The following DPY30 variants were observed in gnomAD, a reference collection of about 807,000 sequenced individuals.
The protein encoded by DPY30 is protein dpy-30 homolog.
A neutral mutation model predicts 16.2 loss-of-function variants in DPY30; 6 were observed. That is an observed-to-expected ratio of 0.37 (90% confidence interval 0.20 to 0.73). DPY30 has a LOEUF of 0.73. Among genes scored for constraint, DPY30 ranks in the 30% least tolerant of loss-of-function variants. DPY30 has a pLI of 0.51. For missense variants in DPY30, 73 were observed against 113.1 expected (o/e 0.65, Z 1.61); for synonymous variants, 39 against 38.8 (o/e 1.00, Z -0.02).
intron 3 of DPY30, among the ~76,000 whole-genome samples, chr2:32,030,742 T>C (rs930971246): frequency 4.0e-5 from 6 of 151,822 alleles, no homozygotes; most frequent in African/African-American, 1.5e-4. Flanking sequence ...GAGGTTGCAG[T>C]GAGACGAGAT....
chr2:32,019,035 CAAAA>C (rs1422515458), downstream of DPY30, among the ~76,000 whole-genome samples: 1 of 151,582 alleles, frequency 6.6e-6, no homozygotes, highest in Non-Finnish European at 1.5e-5. Flanking sequence ...CAAAAACAAA[CAAAA>C]AAACTTTCTA....
At position 32,039,502 on chromosome 2, in the gene DPY30, CAAG is replaced by C. The variant is rs780157538; in HGVS notation, c.-36-13_-36-11del. The C allele has an allele frequency of 2.5e-6, 4 of 1,613,706 alleles. No homozygotes were observed. The highest frequency in any genetic ancestry group is 4.5e-5 in the East Asian group (2 of 44,876). ...GTCCCCGGATACCAGTCTTGGAAAA[CAAG>C]AAGAGCCGCGAGTTACCTGGGAGAT... On this transcript the variant is annotated splice_polypyrimidine_tract_variant and intron_variant, in intron 1 of 4. Transcript: ENST00000342166.
rs1209521761 is a variant in DPY30, at chr2:32,039,763, C to G, written c.-67G>C. ...CCCAAGCCGTTCGTTCTTAAGAGCC[C>G]TGCACCGCGCCACCAGCTCCCAGCA... On this transcript the variant is annotated 5_prime_UTR_variant, in exon 1 of 5. Transcript: ENST00000342166. 2.1e-6 allele frequency: 1 copy of G among 470,628 alleles called. No individual in the cohort carries two copies. Among genetic ancestry groups the G allele is most frequent in the Non-Finnish European group, 3.8e-6 (1 of 260,178 alleles). The allele number at this position is 470,628 out of a possible 1,614,324, so 29.2% of individuals were successfully genotyped here.
chr2:32,018,092 C>T (rs1675097999), intron 5 of DPY30, among the ~76,000 whole-genome samples: 1 of 152,048 alleles, frequency 6.6e-6, no homozygotes, highest in South Asian at 2.1e-4. Context: ...TTACAGGCCA[C>T]CCAATCTATA....
downstream of DPY30, among the ~76,000 whole-genome samples, chr2:32,020,549 C>G (rs1675157168): frequency 6.6e-6 from 1 of 151,852 alleles, no homozygotes; most frequent in Non-Finnish European, 1.5e-5. Flanking sequence ...TTAAACCTAC[C>G]CCAAATTTTG....
Position 32,024,068 on chromosome 2 carries a change from G to C in DPY30, c.*116C>G. On this transcript the variant is annotated 3_prime_UTR_variant, in exon 5 of 5. Coordinates refer to ENST00000342166, the MANE Select transcript of DPY30 (RefSeq NM_001321209.2). ...TTCTGCAATTCCAGAAATAGGTTCT[G>C]TTGTCCGGAAGGTTCTTATACATCC... The C allele has an allele frequency of 6.6e-7, 1 of 1,508,442 alleles. No individual in the cohort carries two copies. The highest frequency in any genetic ancestry group is 1.4e-5 in the African/African-American group (1 of 70,868). 93.4% of individuals were successfully genotyped at this position (1,508,442 alleles called of 1,614,324 possible). A position where few individuals can be genotyped will look rare whatever the true frequency, so the allele number is the denominator to read the frequency against.
intron 3 of DPY30, among the ~76,000 whole-genome samples, chr2:32,034,526 G>A (rs502824): frequency 0.021 from 3,260 of 152,230 alleles, 55 homozygotes; most frequent in African/African-American, 0.044. Flanking sequence ...CCATTCATGA[G>A]GGATTTGCCC....
intron 3 of DPY30, among the ~76,000 whole-genome samples, chr2:32,036,329 C>G (rs547878786): frequency 1.3e-5 from 2 of 151,944 alleles, no homozygotes; most frequent in African/African-American, 4.8e-5. Context: ...GATGAAAATT[C>G]TAAACCACAG....
In DPY30 at chr2:32,028,112, CT is replaced by C. The variant is rs1159330100; in HGVS notation, c.227+1481del. ...TTTACTATAAGAAATGATATATTTC[CT>C]TTTTTTTTTTTTTTTGAGGCAGGGT... On this transcript the variant is annotated intron_variant, in intron 4 of 4. Transcript: ENST00000342166. Among the ~76,000 whole-genome samples the C allele has an allele frequency of 3.5e-3, 483 of 136,150 alleles. 1 individual carries two copies. The highest frequency in any genetic ancestry group is 0.031 in the East Asian group (146 of 4,684). 89.3% of individuals were successfully genotyped at this position (136,150 alleles called of 152,430 possible). A position where few individuals can be genotyped will look rare whatever the true frequency, so the allele number is the denominator to read the frequency against.
chr2:32,034,337 T>A (rs774370247), intron 3 of DPY30, among the ~76,000 whole-genome samples: 6 of 152,190 alleles, frequency 3.9e-5, no homozygotes, highest in Non-Finnish European at 8.8e-5. Context: ...CAGCATCTGC[T>A]TCTTGTGAGG....
chr2:32,023,755 G>C, downstream of DPY30: 1 of 1,304,704 alleles, frequency 7.7e-7, no homozygotes, highest in Non-Finnish European at 1.0e-6. Context: ...AGAAAAATTG[G>C]CTGAATTTTT....
Position 32,039,432 on chromosome 2 carries a change from C to G in DPY30, c.25G>C (p.Gly9Arg). MEPEQMLE[G>R]QTQVAENPHS... ...CGGCCTCCTGATACCTGCGTTTGTCCCTCCAGCATCTGCTCTGGCTCCATG... is the reference window on the plus strand; with the variant it reads ...CGGCCTCCTGATACCTGCGTTTGTCGCTCCAGCATCTGCTCTGGCTCCATG... The change falls in exon 2 of 5, where the codon GGA becomes CGA. Residue 9 changes from glycine (G) to arginine (R), a missense_variant. This residue lies in a region of DPY30 where 52 missense variants were observed against 71.5 expected (regional missense o/e 0.73). Transcript: ENST00000342166. 1 of 1,614,166 alleles carries G rather than the reference C, an allele frequency of 6.2e-7. No individual in the cohort carries two copies.
At chr2:32,011,677 C>T (rs979992308), downstream of DPY30, among the ~76,000 whole-genome samples, 4 of 152,200 alleles carry the variant, frequency 2.6e-5, no homozygotes, top group Non-Finnish European at 5.9e-5. Flanking sequence ...GTTATTGTTA[C>T]AAAGTACACC....
downstream of DPY30, among the ~76,000 whole-genome samples, chr2:32,019,793 C>A (rs1490456964): frequency 2.9e-5 from 4 of 139,376 alleles, no homozygotes; most frequent in Non-Finnish European, 6.1e-5. Context: ...ACACTCCAGC[C>A]TGGGCAAAAA....
downstream of DPY30, chr2:32,023,820 G>C (rs1675237703): frequency 3.1e-6 from 4 of 1,305,078 alleles, no homozygotes; most frequent in Non-Finnish European, 4.0e-6. Context: ...TGCAGCATTT[G>C]AAGACAGAAG....
At chr2:32,024,758 A>C (rs913985186) in intron 4 of DPY30, among the ~76,000 whole-genome samples, 1 of 152,218 alleles carries the variant, frequency 6.6e-6, no homozygotes, top group African/African-American at 2.4e-5. Flanking sequence ...ATGTAGATGA[A>C]CTCAAGTGAT....
chr2:32,031,800 G>A (rs1448790813), intron 3 of DPY30, among the ~76,000 whole-genome samples: 1 of 150,788 alleles, frequency 6.6e-6, no homozygotes, highest in Non-Finnish European at 1.5e-5. Flanking sequence ...GGCTGAGGCA[G>A]GAGAATCACT....
intron 3 of DPY30, among the ~76,000 whole-genome samples, chr2:32,032,510 A>G (rs991005783): frequency 3.3e-5 from 5 of 152,222 alleles, no homozygotes; most frequent in Admixed American, 3.3e-4. Flanking sequence ...TCAAAATCTC[A>G]CAGTGTATTT....
intron 4 of DPY30, among the ~76,000 whole-genome samples, chr2:32,024,961 T>C (rs369206717): frequency 6.6e-6 from 1 of 152,326 alleles, no homozygotes; most frequent in South Asian, 2.1e-4. Context: ...TTATTCTTGC[T>C]GAGAATACAA....
Sources: gnomAD v4.1 joint callset for allele counts (sites outside exome capture counted in the v4.1 genomes callset) on GRCh38, gnomAD v4.1.1 for gene constraint, gnomAD v4.1.1 regional missense constraint, MANE v1.5 for transcripts, NCBI Gene and HGNC (gene_info 2026-07-23, HGNC 2026-07-21) for gene names.